CDH18: variants seen among roughly 807,000 people sequenced by gnomAD.
CDH18 encodes cadherin-18.
A neutral mutation model predicts 67.9 loss-of-function variants in CDH18; 31 were observed. That is an observed-to-expected ratio of 0.46 (90% CI 0.34 to 0.62). The LOEUF (loss-of-function observed/expected upper bound fraction) is 0.62, where lower values mean the gene tolerates loss of function less well. CDH18 is among the 20% of genes least tolerant of loss of function. The pLI, the probability that CDH18 is intolerant of heterozygous loss-of-function variation, is 0.01. For missense variants in CDH18, 890 were observed against 975.5 expected, an observed-to-expected ratio of 0.91 and a Z score of 1.17; for synonymous variants, 362 against 347.2, an observed-to-expected ratio of 1.04 and a Z score of -0.48.
At chr5:20,385,523 G>A (rs1332111369) in intron 1 of CDH18, among the ~76,000 whole-genome samples, 1 of 152,202 alleles carries the variant, frequency 6.6e-6, no homozygotes, top group Non-Finnish European at 1.5e-5. Flanking sequence ...GATCTTGGGT[G>A]TCACAGAATT....
intron 10 of CDH18, among the ~76,000 whole-genome samples, chr5:19,516,142 G>C (rs982585364): frequency 1.3e-5 from 2 of 152,012 alleles, no homozygotes; most frequent in Admixed American, 6.6e-5. Context: ...TTTATGTGAT[G>C]GATTACATTT....
At chr5:19,686,284 T>A (rs1761087562) in intron 5 of CDH18, among the ~76,000 whole-genome samples, 1 of 152,074 alleles carries the variant, frequency 6.6e-6, no homozygotes, top group Admixed American at 6.6e-5. Context: ...AAGAACTTAG[T>A]AAAAAGAGTT....
intron 2 of CDH18, among the ~76,000 whole-genome samples, chr5:19,919,348 T>C (rs558555602): frequency 6.6e-6 from 1 of 152,288 alleles, no homozygotes; most frequent in Non-Finnish European, 1.5e-5. Context: ...TATAGCAAAT[T>C]ATTGAGCTTG....
At chr5:20,188,229 T>G (rs1036516287) in intron 2 of CDH18, among the ~76,000 whole-genome samples, 2 of 152,010 alleles carry the variant, frequency 1.3e-5, no homozygotes, top group Non-Finnish European at 2.9e-5. Context: ...ATTCTAAATT[T>G]TAAGCATGGT....
intron 9 of CDH18, among the ~76,000 whole-genome samples, chr5:19,524,901 A>G (rs1348690559): frequency 1.3e-5 from 2 of 151,932 alleles, no homozygotes; most frequent in African/African-American, 4.8e-5. Flanking sequence ...GCCCGCCACC[A>G]CGCCCGGCTA....
At chr5:19,553,695 C>A (rs532461126) in intron 8 of CDH18, among the ~76,000 whole-genome samples, 1 of 144,906 alleles carries the variant, frequency 6.9e-6, no homozygotes, top group South Asian at 2.2e-4. Context: ...GTCTGGACTG[C>A]AGCAGCAGGA....
At chr5:20,508,367 GTATA>G (rs1275278586) in intron 1 of CDH18, among the ~76,000 whole-genome samples, 1 of 92,972 alleles carries the variant, frequency 1.1e-5, no homozygotes, top group East Asian at 3.2e-4. Flanking sequence ...ATATATATAT[GTATA>G]TTTATTTGGA....
At chr5:19,738,016 C>A (rs1296833190) in intron 4 of CDH18, among the ~76,000 whole-genome samples, 2 of 151,998 alleles carry the variant, frequency 1.3e-5, no homozygotes, top group Non-Finnish European at 2.9e-5. Context: ...AAAATCGATT[C>A]ATGAATGGAT....
chr5:20,304,344 C>A (rs1736226175), intron 1 of CDH18: 9 of 1,525,594 alleles, frequency 5.9e-6, no homozygotes, highest in Non-Finnish European at 8.2e-6. Context: ...AATTCATTAT[C>A]TTTCTTGTAA....
intron 2 of CDH18, among the ~76,000 whole-genome samples, chr5:19,896,183 C>T (rs1789315524): frequency 6.6e-6 from 1 of 151,848 alleles, no homozygotes; most frequent in African/African-American, 2.4e-5. Flanking sequence ...ATGGTGAAAC[C>T]CCTTCTCTAC....
At chr5:20,093,606 TA>T (rs1297580928) in intron 2 of CDH18, among the ~76,000 whole-genome samples, 1 of 152,142 alleles carries the variant, frequency 6.6e-6, no homozygotes, top group African/African-American at 2.4e-5. Context: ...ATTCAAAATA[TA>T]ACAGTAATAA....
chr5:19,538,246 T>G (rs1054326297), intron 9 of CDH18, among the ~76,000 whole-genome samples: 10 of 152,110 alleles, frequency 6.6e-5, no homozygotes, highest in African/African-American at 2.2e-4. Context: ...AGACCTTAAG[T>G]AGAGAACCCA....
At chr5:20,257,620 T>C (rs1744347081) in intron 1 of CDH18, among the ~76,000 whole-genome samples, 1 of 152,120 alleles carries the variant, frequency 6.6e-6, no homozygotes, top group Non-Finnish European at 1.5e-5. Context: ...TAATAGTTCT[T>C]AGCATATTGA....
intron 4 of CDH18, among the ~76,000 whole-genome samples, chr5:19,744,103 G>A (rs1369468629): frequency 6.6e-6 from 1 of 151,656 alleles, no homozygotes; most frequent in Admixed American, 6.6e-5. Flanking sequence ...CTATAGTAAT[G>A]AGTGTATATA....
At chr5:20,082,392 T>C (rs1744556110) in intron 2 of CDH18, among the ~76,000 whole-genome samples, 1 of 152,194 alleles carries the variant, frequency 6.6e-6, no homozygotes, top group Non-Finnish European at 1.5e-5. Context: ...AAATTAAAAG[T>C]AATAATAGAA....
chr5:20,239,337 T>A (rs1168241924), intron 2 of CDH18, among the ~76,000 whole-genome samples: 1 of 152,058 alleles, frequency 6.6e-6, no homozygotes, highest in Non-Finnish European at 1.5e-5. Flanking sequence ...ATGCCTGTAG[T>A]CCCAGCTACT....
chr5:20,570,432 T>C (rs577584115), intron 1 of CDH18, among the ~76,000 whole-genome samples: 1 of 152,308 alleles, frequency 6.6e-6, no homozygotes, highest in African/African-American at 2.4e-5. Flanking sequence ...TCGCTATACA[T>C]AATGCCTCAC....
intron 11 of CDH18, among the ~76,000 whole-genome samples, chr5:19,496,242 A>C (rs1561197414): frequency 6.6e-6 from 1 of 152,204 alleles, no homozygotes; most frequent in Admixed American, 6.5e-5. Context: ...AACTAAACAA[A>C]ACTGCAAATC....
chr5:19,854,020 C>T (rs1363999100), intron 2 of CDH18, among the ~76,000 whole-genome samples: 3 of 152,108 alleles, frequency 2.0e-5, no homozygotes. Context: ...AAGAATGCCA[C>T]CCTACAAAAT....
Sources: allele counts gnomAD v4.1 joint callset (sites outside exome capture counted in the v4.1 genomes callset), GRCh38; gene constraint gnomAD v4.1.1; transcripts MANE v1.5; gene names NCBI Gene and HGNC (gene_info 2026-07-23, HGNC 2026-07-21).